PPM1H: variants seen among roughly 807,000 people sequenced by gnomAD.
PPM1H encodes protein phosphatase 1H.
PPM1H carries 27 observed loss-of-function variants against 54.9 expected under a neutral mutation model. The observed-to-expected ratio is 0.49, with a 90% CI of 0.36 to 0.68. PPM1H has a LOEUF of 0.68. Ranked by LOEUF, PPM1H falls within the 30% of genes least tolerant of loss-of-function variation. The pLI is 0.00. For missense variants in PPM1H, 596 were observed against 667.8 expected, an observed-to-expected ratio of 0.89 and a Z score of 1.19; for synonymous variants, 305 against 270.8, an observed-to-expected ratio of 1.13 and a Z score of -1.24.
intron 1 of PPM1H, among the ~76,000 whole-genome samples, chr12:62,878,324 G>A (rs1870255423): frequency 6.6e-6 from 1 of 152,060 alleles, no homozygotes; most frequent in Non-Finnish European, 1.5e-5. Context: ...CCCCCATCAG[G>A]GTGTGGCACA....
intron 4 of PPM1H, among the ~76,000 whole-genome samples, chr12:62,773,149 A>C (rs1157853979): frequency 1.3e-5 from 2 of 151,942 alleles, no homozygotes; most frequent in Admixed American, 6.5e-5. Context: ...TCCGTCTCAA[A>C]AAAACAAAAC....
intron 1 of PPM1H, among the ~76,000 whole-genome samples, chr12:62,858,098 C>A (rs942658056): frequency 6.6e-6 from 1 of 151,910 alleles, no homozygotes; most frequent in Non-Finnish European, 1.5e-5. Flanking sequence ...CCCACCACGC[C>A]CCCTACCACT....
chr12:62,818,738 T>G (rs556790254), intron 2 of PPM1H, among the ~76,000 whole-genome samples: 25 of 152,218 alleles, frequency 1.6e-4, no homozygotes, highest in Non-Finnish European at 3.4e-4. Context: ...AAGTTCCACC[T>G]TCATTTGTCA....
intron 1 of PPM1H, among the ~76,000 whole-genome samples, chr12:62,895,189 G>A (rs1177599233): frequency 2.6e-5 from 4 of 152,138 alleles, no homozygotes; most frequent in African/African-American, 7.2e-5. Context: ...TATCACCAGC[G>A]GGACTTAGCA....
chr12:62,870,249 G>C (rs867251963), intron 1 of PPM1H, among the ~76,000 whole-genome samples: 1 of 152,146 alleles, frequency 6.6e-6, no homozygotes, highest in Non-Finnish European at 1.5e-5. Flanking sequence ...TCTAATCTTG[G>C]ACTCGAATTT....
chr12:62,796,773 A>G (rs918014288), intron 3 of PPM1H, among the ~76,000 whole-genome samples: 7 of 152,208 alleles, frequency 4.6e-5, no homozygotes, highest in Middle Eastern at 3.4e-3. Context: ...GTGTGCGCGC[A>G]CACACACACA....
intron 1 of PPM1H, among the ~76,000 whole-genome samples, chr12:62,888,365 G>A (rs1870666193): frequency 6.6e-6 from 1 of 152,120 alleles, no homozygotes; most frequent in South Asian, 2.1e-4. Flanking sequence ...TCAAGGGTCT[G>A]GAACTCAGGG....
intron 1 of PPM1H, chr12:62,850,719 T>A (rs895349036): frequency 4.7e-5 from 7 of 149,218 alleles, no homozygotes; most frequent in African/African-American, 1.7e-4. Context: ...ATATTTATAT[T>A]TTTTTCTTTT....
chr12:62,767,715 C>T (rs1348464024), intron 4 of PPM1H, among the ~76,000 whole-genome samples: 1 of 152,142 alleles, frequency 6.6e-6, no homozygotes, highest in African/African-American at 2.4e-5. Context: ...TAGAAAATGA[C>T]TTCTCTCACA....
chr12:62,744,198 C>T (rs2076398002), intron 4 of PPM1H, among the ~76,000 whole-genome samples: 2 of 148,404 alleles, frequency 1.3e-5, no homozygotes, highest in African/African-American at 5.0e-5. Context: ...AGGCCAGGCG[C>T]TGTGGCTCAC....
intron 3 of PPM1H, among the ~76,000 whole-genome samples, chr12:62,790,891 C>T (rs560208842): frequency 2.0e-5 from 3 of 152,254 alleles, no homozygotes; most frequent in South Asian, 4.1e-4. Flanking sequence ...AAAGGACTGT[C>T]GTAAGGCTAA....
At chr12:62,869,558 C>A (rs1366650165) in intron 1 of PPM1H, among the ~76,000 whole-genome samples, 2 of 152,180 alleles carry the variant, frequency 1.3e-5, no homozygotes, top group East Asian at 3.9e-4. Context: ...TGGTTCCCTG[C>A]CTCCAAGCCT....
intron 1 of PPM1H, among the ~76,000 whole-genome samples, chr12:62,896,764 G>C (rs966673381): frequency 1.3e-4 from 20 of 152,100 alleles, no homozygotes; most frequent in African/African-American, 3.1e-4. Context: ...ATACCCAAAG[G>C]CTTATAAATC....
chr12:62,885,162 C>T (rs1049651729), intron 1 of PPM1H, among the ~76,000 whole-genome samples: 5 of 152,130 alleles, frequency 3.3e-5, no homozygotes, highest in African/African-American at 1.2e-4. Context: ...CAGGCAAGAC[C>T]AGCCCCCATG....
intron 1 of PPM1H, among the ~76,000 whole-genome samples, chr12:62,926,956 A>C (rs1055709818): frequency 1.3e-5 from 2 of 152,240 alleles, no homozygotes; most frequent in South Asian, 2.1e-4. Context: ...TCTGTCTCAA[A>C]AAACAACAAC....
At chr12:62,795,403 AT>A (rs1237899766) in intron 3 of PPM1H, among the ~76,000 whole-genome samples, 3 of 151,956 alleles carry the variant, frequency 2.0e-5, no homozygotes, top group Middle Eastern at 3.2e-3. Flanking sequence ...ATATTTCTAT[AT>A]TCATATAATG....
At chr12:62,927,486 C>T (rs983625203) in intron 1 of PPM1H, among the ~76,000 whole-genome samples, 1 of 151,586 alleles carries the variant, frequency 6.6e-6, no homozygotes, top group Non-Finnish European at 1.5e-5. Context: ...ATGAGGAAAC[C>T]TCATCTCTAC....
chr12:62,877,142 T>C (rs1214100905), intron 1 of PPM1H, among the ~76,000 whole-genome samples: 1 of 152,200 alleles, frequency 6.6e-6, no homozygotes, highest in East Asian at 1.9e-4. Flanking sequence ...CAGTCTGAGA[T>C]AGCCACTCTG....
intron 1 of PPM1H, among the ~76,000 whole-genome samples, chr12:62,869,562 C>G (rs1237682469): frequency 6.6e-6 from 1 of 152,186 alleles, no homozygotes. Flanking sequence ...TCCCTGCCTC[C>G]AAGCCTTGCT....
Sources: gnomAD v4.1 joint callset for allele counts (sites outside exome capture counted in the v4.1 genomes callset) on GRCh38, gnomAD v4.1.1 for gene constraint, MANE v1.5 for transcripts, NCBI Gene and HGNC (gene_info 2026-07-23, HGNC 2026-07-21) for gene names.